CDH13: variants seen among roughly 807,000 people sequenced by gnomAD.
The protein encoded by CDH13 is cadherin 13.
Under a neutral mutation model 63.8 loss-of-function variants are expected in CDH13, and 24 were observed. The observed-to-expected ratio is 0.38, with a 90% confidence interval of 0.27 to 0.53. The LOEUF (loss-of-function observed/expected upper bound fraction) is 0.53, where lower values mean the gene tolerates loss of function less well. CDH13 is among the 20% of genes least tolerant of loss of function. The pLI is 0.85. For missense variants in CDH13, 1,049 were observed against 903.1 expected, an observed-to-expected ratio of 1.16 and a Z score of -2.07; for synonymous variants, 503 against 355.3, an observed-to-expected ratio of 1.42 and a Z score of -4.67.
At chr16:83,265,584 G>GT (rs527328289) in intron 5 of CDH13, among the ~76,000 whole-genome samples, 10 of 151,302 alleles carry the variant, frequency 6.6e-5, no homozygotes, top group Middle Eastern at 3.4e-3. Context: ...AATTTTAATG[G>GT]TTTTTTTTGT....
intron 6 of CDH13, among the ~76,000 whole-genome samples, chr16:83,384,993 T>C (rs1399551966): frequency 6.6e-6 from 1 of 152,252 alleles, no homozygotes; most frequent in Non-Finnish European, 1.5e-5. Context: ...CCTGGCCCTC[T>C]TTCAAACAAA....
chr16:82,654,010 T>A (rs759421174), intron 1 of CDH13, among the ~76,000 whole-genome samples: 1 of 152,126 alleles, frequency 6.6e-6, no homozygotes, highest in Non-Finnish European at 1.5e-5. Context: ...CCAGCCCAGC[T>A]TCTGGTTGGA....
chr16:82,993,495 C>T (rs185080741), intron 2 of CDH13, among the ~76,000 whole-genome samples: 52 of 152,292 alleles, frequency 3.4e-4, no homozygotes, highest in African/African-American at 1.2e-3. Flanking sequence ...TTGACTTCCT[C>T]GCCAGCCTCT....
intron 1 of CDH13, among the ~76,000 whole-genome samples, chr16:82,740,501 A>G (rs1439379830): frequency 6.6e-6 from 1 of 152,156 alleles, no homozygotes; most frequent in Non-Finnish European, 1.5e-5. Context: ...TTCCTATAAT[A>G]ATGCTGCATA....
intron 2 of CDH13, among the ~76,000 whole-genome samples, chr16:82,952,225 G>C (rs1905396340): frequency 1.3e-5 from 2 of 152,192 alleles, no homozygotes; most frequent in Non-Finnish European, 2.9e-5. Flanking sequence ...GCATGGGCCT[G>C]AGTTCAAGTG....
intron 4 of CDH13, among the ~76,000 whole-genome samples, chr16:83,165,906 GAA>G (rs1409838245): frequency 6.6e-6 from 1 of 152,136 alleles, no homozygotes; most frequent in African/African-American, 2.4e-5. Flanking sequence ...CCAGGAGAGA[GAA>G]GAGTAGCCTG....
intron 6 of CDH13, among the ~76,000 whole-genome samples, chr16:83,421,154 C>A (rs980521034): frequency 6.6e-6 from 1 of 151,826 alleles, no homozygotes; most frequent in African/African-American, 2.4e-5. Context: ...TATTCCAGTA[C>A]TGGAGGAGAA....
intron 2 of CDH13, among the ~76,000 whole-genome samples, chr16:82,931,704 A>G (rs771141193): frequency 1.3e-5 from 2 of 152,176 alleles, no homozygotes; most frequent in African/African-American, 2.4e-5. Context: ...CTTACATGGC[A>G]GCAGACAAGA....
intron 1 of CDH13, among the ~76,000 whole-genome samples, chr16:82,717,980 A>G (rs1186209731): frequency 1.3e-5 from 2 of 152,342 alleles, no homozygotes; most frequent in East Asian, 3.9e-4. Flanking sequence ...GACCTGACCC[A>G]TTCTGTGTGT....
chr16:82,685,911 A>G (rs1915021192), intron 1 of CDH13, among the ~76,000 whole-genome samples: 1 of 152,190 alleles, frequency 6.6e-6, no homozygotes, highest in Non-Finnish European at 1.5e-5. Context: ...TCCCTTTAGG[A>G]ATGGCCGCCA....
intron 4 of CDH13, among the ~76,000 whole-genome samples, chr16:83,142,250 T>A (rs2036567559): frequency 6.8e-6 from 1 of 146,642 alleles, no homozygotes; most frequent in East Asian, 2.3e-4. Flanking sequence ...AGCCTCCGCC[T>A]TCTGGGTTCC....
chr16:83,740,065 G>C (rs1322103928), intron 10 of CDH13: 1 of 152,092 alleles, frequency 6.6e-6, no homozygotes, highest in Non-Finnish European at 1.5e-5. Flanking sequence ...AGACTTATCC[G>C]ATGAGGCAAG....
At chr16:83,656,889 CG>C (rs1225938305) in intron 8 of CDH13, among the ~76,000 whole-genome samples, 3 of 152,120 alleles carry the variant, frequency 2.0e-5, no homozygotes, top group East Asian at 3.9e-4. Flanking sequence ...CTTTAGGGAT[CG>C]ACACTGCTGG....
At chr16:83,259,540 A>G (rs1013620870) in intron 5 of CDH13, among the ~76,000 whole-genome samples, 2 of 152,218 alleles carry the variant, frequency 1.3e-5, no homozygotes, top group African/African-American at 4.8e-5. Context: ...TGCATCCAAA[A>G]AAGGAAATGT....
At chr16:82,999,461 G>T (rs1378657729) in intron 2 of CDH13, among the ~76,000 whole-genome samples, 1 of 150,734 alleles carries the variant, frequency 6.6e-6, no homozygotes, top group African/African-American at 2.5e-5. Context: ...TATATATATA[G>T]ATATGCCCTT....
chr16:83,263,894 A>G (rs1269679159), intron 5 of CDH13, among the ~76,000 whole-genome samples: 1 of 152,214 alleles, frequency 6.6e-6, no homozygotes, highest in Non-Finnish European at 1.5e-5. Context: ...TTTAAAAAAA[A>G]TAATGATAGC....
intron 1 of CDH13, among the ~76,000 whole-genome samples, chr16:82,805,610 A>C (rs911384500): frequency 6.6e-6 from 1 of 152,174 alleles, no homozygotes; most frequent in Non-Finnish European, 1.5e-5. Context: ...CAGGAATGTC[A>C]TTCTGTGAGT....
intron 1 of CDH13, among the ~76,000 whole-genome samples, chr16:82,640,199 C>G (rs1007707115): frequency 4.9e-4 from 74 of 152,180 alleles, no homozygotes; most frequent in African/African-American, 1.6e-3. Context: ...TCCACCACAC[C>G]CTCTTGGGAC....
chr16:83,505,545 T>G (rs1381910693), intron 7 of CDH13, among the ~76,000 whole-genome samples: 1 of 147,234 alleles, frequency 6.8e-6, no homozygotes, highest in Non-Finnish European at 1.5e-5. Flanking sequence ...TTTTTTTTTT[T>G]TTTTTTTTTT....
Sources: allele counts gnomAD v4.1 joint callset (sites outside exome capture counted in the v4.1 genomes callset), GRCh38; gene constraint gnomAD v4.1.1; transcripts MANE v1.5; gene names NCBI Gene and HGNC (gene_info 2026-07-23, HGNC 2026-07-21).